The following TFB1M variants were observed in gnomAD, a reference collection of about 807,000 sequenced individuals.
TFB1M encodes the protein dimethyladenosine transferase 1, mitochondrial.
In TFB1M, 27 loss-of-function variants were observed where a neutral mutation model predicts 31.1. The ratio of observed to expected loss-of-function variants is 0.87; its 90% CI spans 0.64 to 1.20. TFB1M has a LOEUF of 1.20. TFB1M is among the 50% of genes most tolerant of loss of function. The pLI is 0.00. For missense variants in TFB1M, 394 were observed against 418.7 expected, an observed-to-expected ratio of 0.94 and a Z score of 0.51; for synonymous variants, 166 against 151.8, an observed-to-expected ratio of 1.09 and a Z score of -0.69.
chr6:155,286,092 G>A (rs980521183), intron 4 of TFB1M, among the ~76,000 whole-genome samples: 1 of 151,998 alleles, frequency 6.6e-6, no homozygotes, highest in Non-Finnish European at 1.5e-5. Context: ...ACAGACCCAA[G>A]CACATTAGAT....
the TFB1M span, among the ~76,000 whole-genome samples, chr6:155,246,526 G>A: frequency 6.6e-6 from 1 of 152,066 alleles, no homozygotes; most frequent in African/African-American, 2.4e-5. Context: ...TCGTAGAAAT[G>A]GGTCTCACTG....
rs324356 is a variant in TFB1M at position 155,285,191 on chromosome 6, C to T, written c.633G>A (p.Thr211=). The change falls in exon 5 of 7, where the codon ACG becomes ACA. Residue 211 remains threonine, a synonymous_variant. Transcript: ENST00000367166. ...TGGGGACAAAAGCTTGTCCTGGAAT[C>T]GTAAAGATGTGTCGAACATTGCAGA... ...QYLCNVRHIF[T]IPGQAFVPKP... is the part of the protein sequence containing the mutation. 849,164 of 1,613,206 alleles carry T rather than the reference C, an allele frequency of 0.53. 229,893 individuals carry two copies. Among genetic ancestry groups the T allele is most frequent in the East Asian group, 0.84 (37,796 of 44,856 alleles).
the TFB1M span, among the ~76,000 whole-genome samples, chr6:155,246,856 A>G: frequency 6.6e-6 from 1 of 152,246 alleles, no homozygotes; most frequent in African/African-American, 2.4e-5. Flanking sequence ...TTTTGATCTT[A>G]CAACACAATC....
chr6:155,268,323 T>C (rs528084938), intron 5 of TFB1M, among the ~76,000 whole-genome samples: 19 of 152,292 alleles, frequency 1.2e-4, no homozygotes, highest in African/African-American at 4.3e-4. Context: ...AAACTCCTTC[T>C]TGAAGAAAAT....
the TFB1M span, among the ~76,000 whole-genome samples, chr6:155,243,274 T>TC: frequency 6.6e-6 from 1 of 152,096 alleles, no homozygotes; most frequent in African/African-American, 2.4e-5. Flanking sequence ...AACTTGACCC[T>TC]CCCAGCTCCA....
At chr6:155,289,374 A>C (rs1776803039) in intron 4 of TFB1M, among the ~76,000 whole-genome samples, 1 of 152,158 alleles carries the variant, frequency 6.6e-6, no homozygotes, top group Non-Finnish European at 1.5e-5. Flanking sequence ...CTTCCCTGTA[A>C]CTACTCCATG....
intron 5 of TFB1M, among the ~76,000 whole-genome samples, chr6:155,273,233 T>C (rs1261295929): frequency 6.6e-6 from 1 of 152,226 alleles, no homozygotes; most frequent in East Asian, 1.9e-4. Flanking sequence ...AAAGAAACTG[T>C]ATGATAGCAG....
At chr6:155,277,660 T>C (rs1221492091) in intron 5 of TFB1M, among the ~76,000 whole-genome samples, 1 of 152,216 alleles carries the variant, frequency 6.6e-6, no homozygotes, top group African/African-American at 2.4e-5. Flanking sequence ...ATTACTGGAA[T>C]AGCTAAAACG....
At chr6:155,296,747 A>G (rs534103141) in intron 4 of TFB1M, among the ~76,000 whole-genome samples, 1 of 140,154 alleles carries the variant, frequency 7.1e-6, no homozygotes, top group Admixed American at 6.9e-5. Flanking sequence ...GCTAACATAC[A>G]TCATTCATGT....
At chr6:155,285,455 A>C (rs1776585840) in intron 4 of TFB1M, among the ~76,000 whole-genome samples, 178 bp from the exon 5 acceptor site, 1 of 152,182 alleles carries the variant, frequency 6.6e-6, no homozygotes, top group Admixed American at 6.5e-5. Context: ...CTCCAACATC[A>C]ACTGAGGTAC....
intron 4 of TFB1M, among the ~76,000 whole-genome samples, chr6:155,293,489 T>C (rs896108150): frequency 2.0e-5 from 3 of 152,186 alleles, no homozygotes; most frequent in Admixed American, 2.0e-4. Context: ...CTTTTCAACA[T>C]TTCTTATGTA....
the TFB1M span, among the ~76,000 whole-genome samples, chr6:155,243,327 G>A: frequency 6.6e-6 from 1 of 152,112 alleles, no homozygotes; most frequent in Non-Finnish European, 1.5e-5. Flanking sequence ...AAGAGGCCAG[G>A]AGCTGGGGTG....
chr6:155,253,958 T>G, downstream of TFB1M: 2 of 1,606,590 alleles, frequency 1.2e-6, no homozygotes, highest in South Asian at 1.1e-5. Flanking sequence ...CTTGTTTCCA[T>G]TTCCTTTTAC....
chr6:155,250,012 G>A, the TFB1M span: 3 of 1,501,530 alleles, frequency 2.0e-6, no homozygotes, highest in South Asian at 2.4e-5. Context: ...TGCATGTGGT[G>A]TGGGGTCTGT....
chr6:155,240,568 C>T, the TFB1M span: 26 of 1,613,980 alleles, frequency 1.6e-5, no homozygotes, highest in South Asian at 4.4e-5. Context: ...GGAGTTTTAA[C>T]GACAGTCAGG....
chr6:155,301,385 A>G (rs542710892), intron 2 of TFB1M, among the ~76,000 whole-genome samples: 2 of 152,368 alleles, frequency 1.3e-5, no homozygotes, highest in African/African-American at 4.8e-5. Context: ...AAATGATATT[A>G]GGCAATAACA....
Position 155,298,461 on chromosome 6 carries a change from A to G in TFB1M, c.394+16T>C, listed in dbSNP as rs559758748. On this transcript the variant is annotated intron_variant, in intron 3 of 6. Transcript: ENST00000367166. ...ATCATAAAAGAAATGTTTTATAACT[A>G]CCCAAAAGCACTCACCATCTTCCCA... The G allele has an allele frequency of 5.0e-5, 65 of 1,306,600 alleles. 1 individual carries two copies. In the South Asian group the frequency reaches 6.9e-4, roughly 14 times the overall value. The allele number at this position is 1,306,600 out of a possible 1,614,324, so 80.9% of individuals were successfully genotyped here.
the TFB1M span, chr6:155,244,763 G>C: frequency 1.2e-6 from 2 of 1,613,288 alleles, no homozygotes; most frequent in Non-Finnish European, 1.7e-6. Context: ...TAACACCCTA[G>C]AAACCCCCTC....
At chr6:155,235,427 C>T in the TFB1M span, among the ~76,000 whole-genome samples, 1 of 152,166 alleles carries the variant, frequency 6.6e-6, no homozygotes, top group African/African-American at 2.4e-5. Context: ...AGGCCTATCA[C>T]CATATATGCA....
Sources: allele counts gnomAD v4.1 joint callset (sites outside exome capture counted in the v4.1 genomes callset), GRCh38; gene constraint gnomAD v4.1.1; transcripts MANE v1.5; gene names NCBI Gene and HGNC (gene_info 2026-07-23, HGNC 2026-07-21).